The following CHLSN variants were observed in gnomAD, a reference collection of about 807,000 sequenced individuals.
CHLSN encodes protein cholesin.
the CHLSN span, chr7:1,127,480 T>C: frequency 8.7e-7 from 1 of 1,146,324 alleles, no homozygotes. Flanking sequence ...CACTCTCCCA[T>C]TAAAAAAAAA....
the CHLSN span, among the ~76,000 whole-genome samples, chr7:1,080,329 C>A: frequency 6.6e-6 from 1 of 152,246 alleles, no homozygotes; most frequent in South Asian, 2.1e-4. Flanking sequence ...GGGACACAGA[C>A]CGCGGCACAG....
chr7:1,104,491 C>T, the CHLSN span, among the ~76,000 whole-genome samples: 5 of 152,246 alleles, frequency 3.3e-5, no homozygotes, highest in South Asian at 2.1e-4. Context: ...CACACCCTGA[C>T]GCCCGCATGT....
the CHLSN span, among the ~76,000 whole-genome samples, chr7:1,034,573 C>T: frequency 1.3e-5 from 2 of 152,188 alleles, no homozygotes; most frequent in African/African-American, 2.4e-5. Context: ...GAACAGAGAA[C>T]AGTGAACCCA....
chr7:1,065,639 G>C, the CHLSN span, among the ~76,000 whole-genome samples: 1 of 152,214 alleles, frequency 6.6e-6, no homozygotes, highest in Non-Finnish European at 1.5e-5. Context: ...CAGCGGCGAC[G>C]AGGGCCGGGT....
chr7:1,008,958 AAC>A, the CHLSN span, among the ~76,000 whole-genome samples: 2 of 150,352 alleles, frequency 1.3e-5, no homozygotes, highest in Admixed American at 1.3e-4. Context: ...CCCTCATGCG[AAC>A]ACACATGCGT....
chr7:1,115,359 C>T, the CHLSN span, among the ~76,000 whole-genome samples: 1 of 152,262 alleles, frequency 6.6e-6, no homozygotes, highest in Non-Finnish European at 1.5e-5. Context: ...CCCCCAGGCT[C>T]GCCCTCACCG....
the CHLSN span, chr7:1,093,410 C>T: frequency 2.2e-6 from 1 of 456,812 alleles, no homozygotes; most frequent in Admixed American, 2.4e-5. Flanking sequence ...AAACATGCTG[C>T]TCTGGTGCAC....
At chr7:1,107,219 T>A in the CHLSN span, among the ~76,000 whole-genome samples, 24 of 152,126 alleles carry the variant, frequency 1.6e-4, 1 homozygote, top group Admixed American at 1.2e-3. Flanking sequence ...CTTAGCCCTG[T>A]CTGCAACCCA....
chr7:1,109,945 G>A, the CHLSN span, among the ~76,000 whole-genome samples: 6 of 152,106 alleles, frequency 3.9e-5, no homozygotes, highest in Non-Finnish European at 7.4e-5. Context: ...ATGCCAGTGC[G>A]AGCGCAGCCT....
chr7:1,121,637 C>T, the CHLSN span, among the ~76,000 whole-genome samples: 1 of 152,260 alleles, frequency 6.6e-6, no homozygotes, highest in Non-Finnish European at 1.5e-5. Flanking sequence ...ACCTGTGCCC[C>T]GCGTTCTGGC....
chr7:984,737 A>G, the CHLSN span, among the ~76,000 whole-genome samples: 2 of 152,200 alleles, frequency 1.3e-5, no homozygotes, highest in African/African-American at 4.8e-5. Context: ...AGGTGTCCAC[A>G]CAGCAGGTCA....
chr7:1,120,486 T>A, the CHLSN span, among the ~76,000 whole-genome samples: 1 of 152,114 alleles, frequency 6.6e-6, no homozygotes, highest in Non-Finnish European at 1.5e-5. Flanking sequence ...CAGACAGGGT[T>A]TCACCATGTT....
chr7:1,070,857 T>G, the CHLSN span, among the ~76,000 whole-genome samples: 2 of 144,856 alleles, frequency 1.4e-5, no homozygotes, highest in African/African-American at 2.6e-5. Context: ...CACACGGACA[T>G]GCACACGGGT....
the CHLSN span, among the ~76,000 whole-genome samples, chr7:1,134,114 A>AT: frequency 6.3e-4 from 95 of 151,992 alleles, no homozygotes; most frequent in African/African-American, 2.2e-3. Flanking sequence ...ATATATATAT[A>AT]TTTTTTTAAT....
the CHLSN span, chr7:1,028,613 G>C: frequency 1.1e-3 from 1,063 of 982,102 alleles, 13 homozygotes; most frequent in African/African-American, 0.017. Context: ...GCCCGCGCAG[G>C]GCCCCTGCCA....
At chr7:1,135,795 ACAATTT>A in the CHLSN span, among the ~76,000 whole-genome samples, 416 of 80,606 alleles carry the variant, frequency 5.2e-3, 2 homozygotes, top group Non-Finnish European at 8.3e-3. Flanking sequence ...ATATATATAC[ACAATTT>A]ATTTATTTAT....
chr7:1,009,680 C>A, the CHLSN span, among the ~76,000 whole-genome samples: 1 of 152,220 alleles, frequency 6.6e-6, no homozygotes, highest in Non-Finnish European at 1.5e-5. Flanking sequence ...ACACCTGGGG[C>A]AAGGTTCACC....
At chr7:1,127,247 G>A in the CHLSN span, 1 of 1,590,818 alleles carries the variant, frequency 6.3e-7, no homozygotes, top group Non-Finnish European at 8.5e-7. Flanking sequence ...TGAAGCACAG[G>A]CGGCCTTACC....
chr7:1,055,471 C>T, the CHLSN span: 4 of 459,556 alleles, frequency 8.7e-6, no homozygotes, highest in Non-Finnish European at 1.8e-5. Flanking sequence ...GAGGCTTGGG[C>T]CACAAAGTAA....
Sources: gnomAD v4.1 joint callset for allele counts (sites outside exome capture counted in the v4.1 genomes callset) on GRCh38, gnomAD v4.1.1 for gene constraint, MANE v1.5 for transcripts, NCBI Gene and HGNC (gene_info 2026-07-23, HGNC 2026-07-21) for gene names.